Variants in RBFOX1 observed in about 807,000 individuals in gnomAD.
The protein encoded by RBFOX1 is RNA binding protein fox-1 homolog 1.
In RBFOX1, 8 loss-of-function variants were observed where a neutral mutation model predicts 57.7. The observed-to-expected ratio is 0.14, with a 90% CI of 0.08 to 0.25. The LOEUF is 0.25. RBFOX1 is among the 10% of genes least tolerant of loss of function. The pLI, the probability that RBFOX1 is intolerant of heterozygous loss-of-function variation, is 1.00. For missense variants in RBFOX1, 611 were observed against 548.5 expected, an observed-to-expected ratio of 1.11 and a Z score of -1.14; for synonymous variants, 326 against 222.4, an observed-to-expected ratio of 1.47 and a Z score of -4.15.
At chr16:7,504,584 G>A (rs570243355) in intron 4 of RBFOX1, among the ~76,000 whole-genome samples, 271 of 149,270 alleles carry the variant, frequency 1.8e-3, no homozygotes, top group African/African-American at 6.4e-3. Context: ...CATTGTTGCC[G>A]AAAGACTTAG....
intron 1 of RBFOX1, among the ~76,000 whole-genome samples, chr16:6,067,660 A>G (rs1271980701): frequency 6.6e-6 from 1 of 152,198 alleles, no homozygotes; most frequent in Non-Finnish European, 1.5e-5. Context: ...TTCTCCATAG[A>G]AGGAATTATC....
At chr16:5,605,458 C>T (rs2047538863) in intron 3 of RBFOX1, among the ~76,000 whole-genome samples, 2 of 152,146 alleles carry the variant, frequency 1.3e-5, no homozygotes, top group Non-Finnish European at 2.9e-5. Flanking sequence ...AGAGTGGTGC[C>T]ATTGATGAGT....
At chr16:6,911,224 C>G (rs993847336) in intron 3 of RBFOX1, among the ~76,000 whole-genome samples, 1 of 146,966 alleles carries the variant, frequency 6.8e-6, no homozygotes, top group Non-Finnish European at 1.5e-5. Context: ...AAAAAGCAAA[C>G]TGAAGACTTG....
chr16:5,263,046 C>T (rs553586889), intron 1 of RBFOX1, among the ~76,000 whole-genome samples: 2 of 148,404 alleles, frequency 1.3e-5, no homozygotes, highest in East Asian at 2.1e-4. Context: ...ACTGAAGAGA[C>T]GGTTTTGCTA....
intron 4 of RBFOX1, among the ~76,000 whole-genome samples, chr16:7,408,356 A>G (rs1407977469): frequency 2.0e-5 from 3 of 152,200 alleles, no homozygotes; most frequent in Non-Finnish European, 4.4e-5. Flanking sequence ...TCATTTTGAA[A>G]TTTTAAAAAA....
intron 12 of RBFOX1, among the ~76,000 whole-genome samples, chr16:7,656,804 A>G (rs998696804): frequency 6.6e-6 from 1 of 152,202 alleles, no homozygotes; most frequent in African/African-American, 2.4e-5. Flanking sequence ...GATAAGTGAT[A>G]CAAGAGGATA....
At chr16:7,286,237 A>T (rs1029156311) in intron 4 of RBFOX1, among the ~76,000 whole-genome samples, 4 of 152,178 alleles carry the variant, frequency 2.6e-5, no homozygotes, top group Non-Finnish European at 4.4e-5. Context: ...TTGTAGCACA[A>T]TCGCCATTGT....
intron 4 of RBFOX1, among the ~76,000 whole-genome samples, chr16:7,431,527 A>G (rs1423782324): frequency 1.3e-5 from 2 of 152,200 alleles, no homozygotes; most frequent in African/African-American, 4.8e-5. Context: ...GGCGTGAGCC[A>G]CCGCGCCACT....
At position 7,403,459 on chromosome 16, in the gene RBFOX1, C is replaced by G. The variant is rs187320860; in HGVS notation, c.28-114688C>G. Among the ~76,000 whole-genome samples the G allele has an allele frequency of 1.3e-3, 195 of 152,214 alleles. 1 individual carries two copies. The highest frequency in any genetic ancestry group is 4.4e-3 in the African/African-American group (182 of 41,548). ...CCTACGAATTTGAGTGTTTTAGATCCTGCATGTAAGTGAGATCTTACAGCG... is the reference window on the plus strand; with the variant it reads ...CCTACGAATTTGAGTGTTTTAGATCGTGCATGTAAGTGAGATCTTACAGCG... On this transcript the variant is annotated intron_variant, in intron 4 of 15. Coordinates refer to ENST00000550418, the MANE Select transcript of RBFOX1 (RefSeq NM_018723.4).
chr16:5,367,763 G>A (rs960321492), intron 1 of RBFOX1, among the ~76,000 whole-genome samples: 5 of 152,296 alleles, frequency 3.3e-5, no homozygotes, highest in African/African-American at 9.6e-5. Flanking sequence ...CAGGGCACAC[G>A]GAGGGGAGAT....
At chr16:5,866,525 A>G (rs1187812961) in intron 3 of RBFOX1, among the ~76,000 whole-genome samples, 1 of 152,232 alleles carries the variant, frequency 6.6e-6, no homozygotes, top group East Asian at 1.9e-4. Flanking sequence ...ACACAGAGAA[A>G]AAGATCTGAT....
intron 1 of RBFOX1, among the ~76,000 whole-genome samples, chr16:6,137,000 C>G (rs932369997): frequency 6.6e-6 from 1 of 152,128 alleles, no homozygotes; most frequent in Admixed American, 6.6e-5. Context: ...AATTATCACC[C>G]CTCCACCGCT....
chr16:6,835,240 G>A (rs1228593266), intron 3 of RBFOX1, among the ~76,000 whole-genome samples: 1 of 152,014 alleles, frequency 6.6e-6, no homozygotes, highest in African/African-American at 2.4e-5. Context: ...GTTAGTGAGC[G>A]CTGTGGACTA....
At chr16:7,189,594 C>CACACACAT (rs2084870232) in intron 4 of RBFOX1, among the ~76,000 whole-genome samples, 1 of 150,988 alleles carries the variant, frequency 6.6e-6, no homozygotes, top group Non-Finnish European at 1.5e-5. Context: ...CACATACACA[C>CACACACAT]ACAAAATAGA....
At chr16:6,965,907 A>T (rs926277012) in intron 3 of RBFOX1, among the ~76,000 whole-genome samples, 1 of 152,156 alleles carries the variant, frequency 6.6e-6, no homozygotes, top group Non-Finnish European at 1.5e-5. Context: ...ATGCCGGGAA[A>T]TAGTAGCAGA....
intron 3 of RBFOX1, among the ~76,000 whole-genome samples, chr16:5,738,665 A>G (rs1045054516): frequency 4.2e-5 from 6 of 144,032 alleles, no homozygotes; most frequent in Admixed American, 2.9e-4. Context: ...AGGGAAATCT[A>G]AAGGAAGTAT....
At chr16:5,728,472 G>A (rs933240009) in intron 3 of RBFOX1, among the ~76,000 whole-genome samples, 1 of 152,202 alleles carries the variant, frequency 6.6e-6, no homozygotes, top group Non-Finnish European at 1.5e-5. Context: ...CACACCAGGT[G>A]GAGTTCCCCT....
chr16:7,304,490 G>A (rs1350008496), intron 4 of RBFOX1: 1 of 985,190 alleles, frequency 1.0e-6, no homozygotes, highest in African/African-American at 1.7e-5. Flanking sequence ...CAGCAGGTAA[G>A]GCGCGCGTCT....
intron 4 of RBFOX1, among the ~76,000 whole-genome samples, chr16:7,230,993 A>G (rs758520048): frequency 8.5e-5 from 13 of 152,138 alleles, no homozygotes; most frequent in Non-Finnish European, 8.8e-5. Context: ...CAGAATTCAC[A>G]TTGATCAGCC....
Sources: gnomAD v4.1 joint callset for allele counts (sites outside exome capture counted in the v4.1 genomes callset) on GRCh38, gnomAD v4.1.1 for gene constraint, MANE v1.5 for transcripts, NCBI Gene and HGNC (gene_info 2026-07-23, HGNC 2026-07-21) for gene names.